CACNA2D1: variants seen among roughly 807,000 people sequenced by gnomAD.
The protein encoded by CACNA2D1 is calcium voltage-gated channel auxiliary subunit alpha2delta 1, also known as voltage-dependent calcium channel subunit alpha-2/delta-1.
A neutral mutation model predicts 171.5 loss-of-function variants in CACNA2D1; 53 were observed. The observed-to-expected ratio is 0.31, with a 90% CI of 0.25 to 0.39. The LOEUF (loss-of-function observed/expected upper bound fraction) is 0.39. CACNA2D1 is among the 10% of genes least tolerant of loss of function. The pLI, the probability that CACNA2D1 is intolerant of heterozygous loss-of-function variation, is 1.00. For synonymous variants in CACNA2D1, 442 were observed against 443.1 expected (o/e 1.00, Z 0.03); for missense variants, 903 against 1,299.8 (o/e 0.69, Z 4.69).
At position 82,039,921 on chromosome 7, in the gene CACNA2D1, A is replaced by G. The variant is rs925199519; in HGVS notation, c.880-1686T>C. On this transcript the variant is annotated intron_variant, in intron 10 of 38. Transcript: ENST00000356860. ...CAAGGGCTAGATCATGTGGAGTCTA[A>G]TGGAAATGCTGAAGATGATTTTATT... 3.3e-5 allele frequency among the ~76,000 whole-genome samples: 5 copies of G among 152,220 alleles called. No homozygotes were observed. In the South Asian group the frequency reaches 1.0e-3, roughly 31 times the overall value.
At chr7:82,076,483 TACTC>T (rs1277699940) in intron 7 of CACNA2D1, among the ~76,000 whole-genome samples, 1 of 152,116 alleles carries the variant, frequency 6.6e-6, no homozygotes, top group African/African-American at 2.4e-5. Flanking sequence ...TAAAAAATGA[TACTC>T]AACTGACACT....
chr7:82,264,460 C>A (rs911524696), intron 3 of CACNA2D1, among the ~76,000 whole-genome samples: 2 of 152,120 alleles, frequency 1.3e-5, no homozygotes, highest in African/African-American at 4.8e-5. Context: ...ACTTCATATG[C>A]TTATTTTCAA....
intron 38 of CACNA2D1, among the ~76,000 whole-genome samples, chr7:81,955,980 ATTTTTTTTTTT>A (rs1164601123): frequency 0.13 from 4,361 of 34,662 alleles, 175 homozygotes; most frequent in Middle Eastern, 0.21. Flanking sequence ...ATATATATAT[ATTTTTTTTTTT>A]TTTTTTTTTT....
chr7:82,098,244 G>A (rs888598927), intron 6 of CACNA2D1, among the ~76,000 whole-genome samples: 4 of 152,296 alleles, frequency 2.6e-5, no homozygotes, highest in South Asian at 2.1e-4. Context: ...CCATTAAAAA[G>A]TGATCAGTGA....
At chr7:82,075,647 T>C (rs1157365538) in intron 7 of CACNA2D1, among the ~76,000 whole-genome samples, 1 of 152,184 alleles carries the variant, frequency 6.6e-6, no homozygotes, top group Non-Finnish European at 1.5e-5. Flanking sequence ...CAGGAACAAG[T>C]TTCCTAGTTC....
chr7:81,962,583 T>G, intron 34 of CACNA2D1, 88 bp from the exon 35 acceptor site: 1 of 795,128 alleles, frequency 1.3e-6, no homozygotes, highest in Non-Finnish European at 2.1e-6. Flanking sequence ...TGTTTCCCTT[T>G]ATCTTTTTGG....
At chr7:82,026,245 T>C (rs1314109796) in intron 12 of CACNA2D1, among the ~76,000 whole-genome samples, 2 of 151,646 alleles carry the variant, frequency 1.3e-5, no homozygotes, top group Non-Finnish European at 3.0e-5. Flanking sequence ...AGCCACTCTG[T>C]GTCTTTTGAC....
intron 10 of CACNA2D1, among the ~76,000 whole-genome samples, chr7:82,044,290 T>C (rs537721641): frequency 1.3e-5 from 2 of 152,322 alleles, no homozygotes; most frequent in African/African-American, 4.8e-5. Context: ...ACTTTGTACA[T>C]TGTTTAGTCC....
In CACNA2D1 at chr7:82,330,726, G is replaced by A. The variant is rs532153615; in HGVS notation, c.294+4409C>T. On this transcript the variant is annotated intron_variant, in intron 3 of 38. Coordinates refer to ENST00000356860, the MANE Select transcript of CACNA2D1 (RefSeq NM_000722.4). ...AGAATATTCTATTATCTAGATCATC[G>A]AATGCTTATTCAGCATGGATGAATA... 2.6e-5 allele frequency among the ~76,000 whole-genome samples: 4 copies of A among 152,068 alleles called. No homozygotes were observed. In the East Asian group the frequency reaches 5.8e-4, roughly 22 times the overall value.
In CACNA2D1 at chr7:82,192,507, T is replaced by A. The variant is rs867151273; in HGVS notation, c.295-21898A>T. On this transcript the variant is annotated intron_variant, in intron 3 of 38. Coordinates refer to ENST00000356860, the MANE Select transcript of CACNA2D1 (RefSeq NM_000722.4). Reference sequence around the variant, plus strand: ...GTGTGTGTGTGTGTGTGTGTGTGTGTGTGAATATAGAGACAGGTAAAAAGA... The same window carrying A: ...GTGTGTGTGTGTGTGTGTGTGTGTGAGTGAATATAGAGACAGGTAAAAAGA... 1.4e-3 allele frequency among the ~76,000 whole-genome samples: 114 copies of A among 82,884 alleles called. 1 individual carries two copies. The highest frequency in any genetic ancestry group is 2.4e-3 in the South Asian group (6 of 2,474). The allele number at this position is 82,884 out of a possible 152,430, so 54.4% of individuals were successfully genotyped here. A position where few individuals can be genotyped will look rare whatever the true frequency, so the allele number is the denominator to read the frequency against.
At chr7:82,160,470 C>T (rs954497891) in intron 4 of CACNA2D1, among the ~76,000 whole-genome samples, 5 of 151,704 alleles carry the variant, frequency 3.3e-5, no homozygotes, top group African/African-American at 1.2e-4. Flanking sequence ...TATTATAGAA[C>T]ATAAGACAAA....
rs374662691 is a variant in CACNA2D1, at chr7:81,977,075, C to T, written c.1956-2523G>A. On this transcript the variant is annotated intron_variant, in intron 24 of 38. Transcript: ENST00000356860. Reference sequence around the variant, plus strand: ...TCTTGCCTGATTGCCCTGGCCAGAACTTACAATACTATGCTGAATAGGAGT... The same window carrying T: ...TCTTGCCTGATTGCCCTGGCCAGAATTTACAATACTATGCTGAATAGGAGT... Among the ~76,000 whole-genome samples the T allele has an allele frequency of 1.7e-3, 263 of 152,256 alleles. 1 individual carries two copies. Among genetic ancestry groups the T allele is most frequent in the African/African-American group, 6.0e-3 (250 of 41,558 alleles).
intron 4 of CACNA2D1, among the ~76,000 whole-genome samples, chr7:82,168,204 C>T (rs1795663299): frequency 6.6e-6 from 1 of 151,994 alleles, no homozygotes; most frequent in Non-Finnish European, 1.5e-5. Context: ...AGTACAGTGT[C>T]ATGATCTTGG....
intron 3 of CACNA2D1, among the ~76,000 whole-genome samples, chr7:82,304,383 A>G (rs914734299): frequency 5.9e-5 from 9 of 152,094 alleles, no homozygotes; most frequent in Non-Finnish European, 1.5e-5. Context: ...AGCGTATTAA[A>G]AGGATACCTG....
chr7:82,000,751 T>C (rs1191409033), intron 18 of CACNA2D1, among the ~76,000 whole-genome samples: 1 of 142,814 alleles, frequency 7.0e-6, no homozygotes, highest in Non-Finnish European at 1.5e-5. Context: ...TGTACTACCA[T>C]GCCTAACTAA....
At chr7:82,389,024 G>A (rs925483289) in intron 1 of CACNA2D1, among the ~76,000 whole-genome samples, 5 of 151,770 alleles carry the variant, frequency 3.3e-5, no homozygotes, top group African/African-American at 7.2e-5. Context: ...ACTGAGACAG[G>A]AGAATCACTT....
At chr7:82,149,565 C>T (rs991161052) in intron 4 of CACNA2D1, among the ~76,000 whole-genome samples, 14 of 151,992 alleles carry the variant, frequency 9.2e-5, no homozygotes, top group African/African-American at 3.4e-4. Context: ...TCGGAGTGTT[C>T]ACTCCTGCTC....
chr7:82,304,818 A>C (rs1185776330), intron 3 of CACNA2D1, among the ~76,000 whole-genome samples: 1 of 152,190 alleles, frequency 6.6e-6, no homozygotes, highest in African/African-American at 2.4e-5. Flanking sequence ...AGTAGGGGAC[A>C]ATAGTTAACA....
intron 1 of CACNA2D1, among the ~76,000 whole-genome samples, chr7:82,372,086 T>C (rs1419464047): frequency 6.6e-6 from 1 of 152,172 alleles, no homozygotes; most frequent in Non-Finnish European, 1.5e-5. Flanking sequence ...TTCCCTTCAG[T>C]ATTTTTTCTA....
Sources: gnomAD v4.1 joint callset for allele counts (sites outside exome capture counted in the v4.1 genomes callset) on GRCh38, gnomAD v4.1.1 for gene constraint, MANE v1.5 for transcripts, NCBI Gene and HGNC (gene_info 2026-07-23, HGNC 2026-07-21) for gene names.